CER1: variants seen among roughly 807,000 people sequenced by gnomAD.
The protein encoded by CER1 is cerberus 1, DAN family BMP antagonist.
CER1 carries 10 observed loss-of-function variants against 11.8 expected under a neutral mutation model. The ratio of observed to expected loss-of-function variants is 0.85; its 90% confidence interval spans 0.52 to 1.44. The LOEUF is 1.44. Among genes scored for constraint, CER1 ranks in the 40% most tolerant of loss-of-function variants. CER1 has a pLI of 0.00. For synonymous variants in CER1, 141 were observed against 122.3 expected (o/e 1.15, Z -1.01); for missense variants, 431 against 327.0 (o/e 1.32, Z -2.45).
chr9:14,720,205 A>C lies in CER1; in HGVS notation c.689T>G (p.Ile230Ser). 2 of 1,614,176 alleles carry C rather than the reference A, an allele frequency of 1.2e-6. No individual in the cohort carries two copies. The highest frequency in any genetic ancestry group is 1.7e-6 in the Non-Finnish European group (2 of 1,180,022). Residue 230 changes from isoleucine to serine, a missense_variant, in exon 2 of 2, where the codon ATC (isoleucine) becomes AGC (serine). Ile to Ser is a moderately radical substitution (Grantham distance 142). Transcript: ENST00000380911. ...CTCCTCCACCAGCATCACCACCTTGATCACGGAGGAAAGTTCAGTGCAGTT... is the reference window on the plus strand; with the variant it reads ...CTCCTCCACCAGCATCACCACCTTGCTCACGGAGGAAAGTTCAGTGCAGTT... ...PLNCTELSSV[I>S]KVVMLVEECQ...
Position 14,722,149 on chromosome 9 carries a change from C to CT in CER1, c.507+16_507+17insA. Reference sequence around the variant, plus strand: ...CCACCTGCAAACTCTTACCTGCTCTCCCCCCAGAACACATACCTGGCTGAA... The same window carrying CT: ...CCACCTGCAAACTCTTACCTGCTCTCTCCCCCAGAACACATACCTGGCTGAA... On this transcript the variant is annotated intron_variant, in intron 1 of 1. Coordinates refer to ENST00000380911, the MANE Select transcript of CER1 (RefSeq NM_005454.3). 5 of 1,595,880 alleles carry CT rather than the reference C, an allele frequency of 3.1e-6. No homozygotes were observed. Among genetic ancestry groups the CT allele is most frequent in the Non-Finnish European group, 4.3e-6 (5 of 1,171,064 alleles).
chr9:14,718,901 T>G (rs1369013844), downstream of CER1, among the ~76,000 whole-genome samples: 1 of 152,182 alleles, frequency 6.6e-6, no homozygotes, highest in Non-Finnish European at 1.5e-5. Context: ...CCAGCTAGGT[T>G]ATCTCCTGAT....
chr9:14,722,679 A>G lies in CER1; in HGVS notation c.-7T>C. On this transcript the variant is annotated 5_prime_UTR_variant, in exon 1 of 2. Coordinates refer to ENST00000380911, the MANE Select transcript of CER1 (RefSeq NM_005454.3). ...GAAATAAGAGGAGATGCATGCTGTC[A>G]GGGGCCCAAGCTTCTTTTGTAAATG... 8 of 1,589,196 alleles carry G rather than the reference A, an allele frequency of 5.0e-6. No individual in the cohort carries two copies. The highest frequency in any genetic ancestry group is 6.8e-6 in the Non-Finnish European group (8 of 1,175,980).
At chr9:14,721,777 A>G (rs559607858) in intron 1 of CER1, among the ~76,000 whole-genome samples, 13 of 152,316 alleles carry the variant, frequency 8.5e-5, no homozygotes, top group African/African-American at 2.6e-4. Flanking sequence ...TAGAGTGCAG[A>G]AAGATAGCTA....
In CER1 at chr9:14,722,508, A is replaced by C; in HGVS notation, c.165T>G (p.Asp55Glu). 1.2e-6 allele frequency: 2 copies of C among 1,614,106 alleles called. No homozygotes were observed. The highest frequency in any genetic ancestry group is 1.6e-4 in the Middle Eastern group (1 of 6,062). ...CAAGGTGTGGCACTGCGACAAACAG[A>C]TCTGGCTTCTCCTCAGCTTCCTCAT... Reference protein sequence around the residue: ...GNHEEAEEKPDLFVAVPHLVA... With the variant: ...GNHEEAEEKPELFVAVPHLVA... The change falls in exon 1 of 2, where the codon GAT becomes GAG. Residue 55 changes from aspartate (D) to glutamate (E), a missense_variant. Coordinates refer to ENST00000380911, the MANE Select transcript of CER1 (RefSeq NM_005454.3).
At chr9:14,718,617 T>TA (rs57216627), downstream of CER1, among the ~76,000 whole-genome samples, 112 of 152,056 alleles carry the variant, frequency 7.4e-4, no homozygotes, top group African/African-American at 1.7e-3. Context: ...TTGATTTATT[T>TA]AAAAAAAACA....
chr9:14,718,937 CAAGT>C (rs1277093209), downstream of CER1, among the ~76,000 whole-genome samples: 1 of 151,896 alleles, frequency 6.6e-6, no homozygotes, highest in African/African-American at 2.4e-5. Flanking sequence ...TGAGACAAAA[CAAGT>C]AAGGGAAAAA....
At chr9:14,720,647 T>C (rs1839996829) in intron 1 of CER1, among the ~76,000 whole-genome samples, 1 of 152,200 alleles carries the variant, frequency 6.6e-6, no homozygotes, top group Non-Finnish European at 1.5e-5. Flanking sequence ...TCTACATTAT[T>C]CGTGCAAAAC....
intron 1 of CER1, 31 bp downstream of exon 1, chr9:14,722,135 C>G: frequency 6.3e-7 from 1 of 1,591,052 alleles, no homozygotes; most frequent in Non-Finnish European, 8.6e-7. Context: ...CACCTGCAAA[C>G]TCTTACCTGC....
chr9:14,722,268 G>C lies in CER1; in HGVS notation c.405C>G (p.His135Gln). ...PLREEAKKFW[H>Q]HFMFRKTPAS... ...CCGGAGTTTTTCTGAACATGAAGTG[G>C]TGCCAGAATTTCTTGGCTTCTTCCC... The change falls in exon 1 of 2, where the codon CAC (histidine) becomes CAG (glutamine). Residue 135 changes from histidine (H) to glutamine (Q), a missense_variant. By Grantham distance (24) the His-to-Gln change is conservative (BLOSUM62 0). Coordinates refer to ENST00000380911, the MANE Select transcript of CER1 (RefSeq NM_005454.3). 1 of 1,614,220 alleles carries C rather than the reference G, an allele frequency of 6.2e-7. No homozygotes were observed. Among genetic ancestry groups the C allele is most frequent in the African/African-American group, 1.3e-5 (1 of 75,056 alleles).
downstream of CER1, among the ~76,000 whole-genome samples, chr9:14,718,292 G>C (rs971392105): frequency 6.6e-6 from 1 of 152,162 alleles, no homozygotes; most frequent in Admixed American, 6.5e-5. Context: ...GCAGAGATAG[G>C]TTTTCATAAT....
intron 1 of CER1, 88 bp downstream of exon 1, chr9:14,722,078 C>A: frequency 2.1e-6 from 3 of 1,427,942 alleles, no homozygotes; most frequent in Non-Finnish European, 2.9e-6. Flanking sequence ...AGTCAGGCTC[C>A]TGACAGCCTT....
intron 1 of CER1, 141 bp from the exon 2 acceptor site, chr9:14,720,527 AG>A (rs1839993963): frequency 1.3e-6 from 1 of 787,520 alleles, no homozygotes; most frequent in South Asian, 1.9e-5. Context: ...GCAATATGCA[AG>A]TGATGGTATC....
At chr9:14,717,461 C>T (rs906103609), downstream of CER1, among the ~76,000 whole-genome samples, 4 of 152,050 alleles carry the variant, frequency 2.6e-5, no homozygotes, top group African/African-American at 9.7e-5. Flanking sequence ...ATAAATTAAT[C>T]CCTTGTAGTT....
At position 14,720,131 on chromosome 9, in the gene CER1, C is replaced by G; in HGVS notation, c.763G>C (p.Ala255Pro). The change falls in exon 2 of 2, where the codon GCT becomes CCT. Residue 255 changes from alanine (A) to proline (P), a missense_variant. By Grantham distance (27) the Ala-to-Pro change is conservative (BLOSUM62 -1). Coordinates refer to ENST00000380911, the MANE Select transcript of CER1 (RefSeq NM_005454.3). Reference sequence around the variant, plus strand: ...GGGATAAAGGAATCCTGGGAGCCAGCATGTAGGATGTGTCCATCTTCATGC... The same window carrying G: ...GGGATAAAGGAATCCTGGGAGCCAGGATGTAGGATGTGTCCATCTTCATGC... Reference protein sequence around the residue: ...TEHEDGHILHAGSQDSFIPGV... With the variant: ...TEHEDGHILHPGSQDSFIPGV... 6.2e-7 allele frequency: 1 copy of G among 1,614,122 alleles called. No homozygotes were observed. The highest frequency in any genetic ancestry group is 8.5e-7 in the Non-Finnish European group (1 of 1,180,004).
At chr9:14,721,500 G>C (rs1383425487) in intron 1 of CER1, among the ~76,000 whole-genome samples, 1 of 152,150 alleles carries the variant, frequency 6.6e-6, no homozygotes, top group African/African-American at 2.4e-5. Context: ...AAGCTCATAT[G>C]AGAAAATAAG....
chr9:14,718,761 C>A (rs1254201738), downstream of CER1, among the ~76,000 whole-genome samples: 1 of 151,966 alleles, frequency 6.6e-6, no homozygotes, highest in African/African-American at 2.4e-5. Flanking sequence ...CAGTTCTGTA[C>A]CATATATGTG....
chr9:14,719,996 A>G lies in CER1; in HGVS notation c.*94T>C. 8.4e-7 allele frequency: 1 copy of G among 1,190,112 alleles called. No individual in the cohort carries two copies. The highest frequency in any genetic ancestry group is 1.2e-6 in the Non-Finnish European group (1 of 826,010). The allele number at this position is 1,190,112 out of a possible 1,614,324, so 73.7% of individuals were successfully genotyped here. A position where few individuals can be genotyped will look rare whatever the true frequency, so the allele number is the denominator to read the frequency against. ...TACGTTTCAAGTCACCTTTCCCTGA[A>G]AATGTTATGTACCCACTTAACATTT... is the stretch of plus-strand genomic sequence containing the variant. On this transcript the variant is annotated 3_prime_UTR_variant, in exon 2 of 2. Coordinates refer to ENST00000380911, the MANE Select transcript of CER1 (RefSeq NM_005454.3).
chr9:14,718,192 ATTGT>A (rs1246556669), downstream of CER1, among the ~76,000 whole-genome samples: 1 of 152,194 alleles, frequency 6.6e-6, no homozygotes, highest in Non-Finnish European at 1.5e-5. Context: ...AAAACAGATC[ATTGT>A]TTGGGGTTTG....
Sources: gnomAD v4.1 joint callset for allele counts (sites outside exome capture counted in the v4.1 genomes callset) on GRCh38, gnomAD v4.1.1 for gene constraint, MANE v1.5 for transcripts, NCBI Gene and HGNC (gene_info 2026-07-23, HGNC 2026-07-21) for gene names.